The following TCEANC2 variants were observed in gnomAD, a reference collection of about 807,000 sequenced individuals.
The protein encoded by TCEANC2 is transcription elongation factor A N-terminal and central domain-containing protein 2.
In TCEANC2, 20 loss-of-function variants were observed where a neutral mutation model predicts 22.8. The ratio of observed to expected loss-of-function variants is 0.88; its 90% confidence interval spans 0.62 to 1.28. TCEANC2 has a LOEUF of 1.28. Ranked by LOEUF, TCEANC2 falls within the 50% of genes most tolerant of loss-of-function variation. TCEANC2 has a pLI of 0.00. For missense variants in TCEANC2, 251 were observed against 249.7 expected, an observed-to-expected ratio of 1.01 and a Z score of -0.03; for synonymous variants, 84 against 95.5, an observed-to-expected ratio of 0.88 and a Z score of 0.70.
At chr1:54,076,956 C>A (rs1000258068) in intron 3 of TCEANC2, among the ~76,000 whole-genome samples, 3 of 151,772 alleles carry the variant, frequency 2.0e-5, no homozygotes, top group African/African-American at 7.3e-5. Flanking sequence ...ATGGTCTGGG[C>A]TGGAGTAGGC....
chr1:54,055,665 G>A (rs1657738945), intron 2 of TCEANC2, among the ~76,000 whole-genome samples: 2 of 152,210 alleles, frequency 1.3e-5, no homozygotes, highest in South Asian at 4.1e-4. Context: ...GAGAAAATGT[G>A]CAAAGGATTG....
rs559743787 is a variant in TCEANC2 at position 54,104,472 on chromosome 1, A to C, written c.*7999A>C. On this transcript the variant is annotated 3_prime_UTR_variant, in exon 5 of 5. Coordinates refer to ENST00000234827, the MANE Select transcript of TCEANC2 (RefSeq NM_153035.3). ...AGGTACAGCTGCTGTTAAGCAATGG[A>C]GGGAAGGGAGGTATATCTTTGGTAC... The C allele has an allele frequency of 8.4e-5, 32 of 379,246 alleles. No homozygotes were observed. The highest frequency in any genetic ancestry group is 1.5e-4 in the East Asian group (2 of 13,470). The allele number at this position is 379,246 out of a possible 1,614,324, so 23.5% of individuals were successfully genotyped here. A position where few individuals can be genotyped will look rare whatever the true frequency, so the allele number is the denominator to read the frequency against.
chr1:54,096,256 T>C lies in TCEANC2; in HGVS notation c.439-29T>C. 6.3e-7 allele frequency: 1 copy of C among 1,577,070 alleles called. No individual in the cohort carries two copies. Among genetic ancestry groups the C allele is most frequent in the Non-Finnish European group, 8.7e-7 (1 of 1,152,002 alleles). On this transcript the variant is annotated intron_variant, in intron 4 of 4. Coordinates refer to ENST00000234827, the MANE Select transcript of TCEANC2 (RefSeq NM_153035.3). This position sits in a 1 kb window ranked among gnomAD's most constrained non-coding sequence, Gnocchi z 4.9. ...TTTTAATCCTTACGCAATGTAAGGC[T>C]CTAATTTGATAATTTTGCTGTTTTT... is the stretch of plus-strand genomic sequence containing the variant.
chr1:54,054,863 T>C (rs912273268), intron 2 of TCEANC2, among the ~76,000 whole-genome samples: 1 of 152,234 alleles, frequency 6.6e-6, no homozygotes, highest in African/African-American at 2.4e-5. Context: ...ACAAACTTAT[T>C]AAGGGGTGGG....
At position 54,104,313 on chromosome 1, in the gene TCEANC2, A is replaced by G. The variant is rs569100289; in HGVS notation, c.*7840A>G. The G allele has an allele frequency of 3.8e-5, 7 of 184,584 alleles. No homozygotes were observed. In the South Asian group the frequency reaches 6.7e-4, roughly 18 times the overall value. 11.4% of individuals were successfully genotyped at this position (184,584 alleles called of 1,614,324 possible). A position where few individuals can be genotyped will look rare whatever the true frequency, so the allele number is the denominator to read the frequency against. On this transcript the variant is annotated 3_prime_UTR_variant, in exon 5 of 5. Transcript: ENST00000234827. ...GTCACAAAGGAGGAACACTTCCACT[A>G]AAAGAAACATCAAGATTACTATGAA...
At position 54,096,822 on chromosome 1, in the gene TCEANC2, T is replaced by TAC; in HGVS notation, c.*350_*351dup. 1 of 1,015,908 alleles carries TAC rather than the reference T, an allele frequency of 9.8e-7. No individual in the cohort carries two copies. Among genetic ancestry groups the TAC allele is most frequent in the Non-Finnish European group, 1.2e-6 (1 of 849,178 alleles). 62.9% of individuals were successfully genotyped at this position (1,015,908 alleles called of 1,614,324 possible). Reference sequence around the variant, plus strand: ...CCCCATGTCAGTCAGATGAAGTTACTACTATATTTCACCACCCTGCAGGTA... The same window carrying TAC: ...CCCCATGTCAGTCAGATGAAGTTACTACACTATATTTCACCACCCTGCAGGTA... On this transcript the variant is annotated 3_prime_UTR_variant, in exon 5 of 5. Coordinates refer to ENST00000234827, the MANE Select transcript of TCEANC2 (RefSeq NM_153035.3). The surrounding 1 kb of genome is among the most constrained non-coding windows in gnomAD (Gnocchi z 4.9).
chr1:54,105,076 T>A lies in TCEANC2; in HGVS notation c.*8603T>A, dbSNP rs1407432462. On this transcript the variant is annotated 3_prime_UTR_variant, in exon 5 of 5. Coordinates refer to ENST00000234827, the MANE Select transcript of TCEANC2 (RefSeq NM_153035.3). ...CAAGACCAGTCAGTGATGGAGGTTG[T>A]AGTTTGTCCAACTTACTTTCCTAAG... 6.5e-6 allele frequency: 1 copy of A among 154,170 alleles called. No individual in the cohort carries two copies. The highest frequency in any genetic ancestry group is 2.4e-5 in the African/African-American group (1 of 41,452). 9.6% of individuals were successfully genotyped at this position (154,170 alleles called of 1,614,324 possible).
At chr1:54,082,224 C>A (rs1450689786) in intron 3 of TCEANC2, among the ~76,000 whole-genome samples, 1 of 152,072 alleles carries the variant, frequency 6.6e-6, no homozygotes, top group Admixed American at 6.5e-5. Context: ...TCATACAAAG[C>A]CTGGAGTGAT....
At chr1:54,079,886 A>G (rs1022002309) in intron 3 of TCEANC2, among the ~76,000 whole-genome samples, 1 of 152,014 alleles carries the variant, frequency 6.6e-6, no homozygotes, top group African/African-American at 2.4e-5. Flanking sequence ...TGTTCACTCT[A>G]CTTCTTGTGT....
downstream of TCEANC2, chr1:54,106,107 A>G (rs919128622): frequency 6.6e-6 from 1 of 152,206 alleles, no homozygotes; most frequent in Non-Finnish European, 1.5e-5. Context: ...CATTTGGTTC[A>G]TGGGCCTTAG....
chr1:54,109,404 C>T (rs1387904439), downstream of TCEANC2, among the ~76,000 whole-genome samples: 1 of 152,022 alleles, frequency 6.6e-6, no homozygotes, highest in Non-Finnish European at 1.5e-5. Flanking sequence ...GAGGTAGAGG[C>T]CAGTATGTGG....
intron 3 of TCEANC2, among the ~76,000 whole-genome samples, chr1:54,086,202 G>T (rs7516791): frequency 0.52 from 79,688 of 152,004 alleles, 24,039 homozygotes; most frequent in African/African-American, 0.82. Context: ...CTCCTGCCAC[G>T]ATGCTCACTG....
chr1:54,095,214 G>A (rs1658522189), intron 4 of TCEANC2, among the ~76,000 whole-genome samples: 1 of 152,192 alleles, frequency 6.6e-6, no homozygotes, highest in Admixed American at 6.5e-5. Context: ...GGGCATGGTG[G>A]CAGCCTGAAG....
At chr1:54,059,152 CTTTTTTT>C (rs201301611) in intron 2 of TCEANC2, among the ~76,000 whole-genome samples, 2 of 130,766 alleles carry the variant, frequency 1.5e-5, no homozygotes, top group Non-Finnish European at 3.4e-5. Flanking sequence ...CTTGAGTTTT[CTTTTTTT>C]TTTTTTTTTT....
chr1:54,059,561 T>C (rs983581350), intron 2 of TCEANC2, among the ~76,000 whole-genome samples: 2 of 152,250 alleles, frequency 1.3e-5, no homozygotes, highest in Non-Finnish European at 2.9e-5. Flanking sequence ...TGAAATGCTT[T>C]CTGGGTTCTC....
At position 54,100,609 on chromosome 1, in the gene TCEANC2, G is replaced by C. The variant is rs1658647153; in HGVS notation, c.*4136G>C. On this transcript the variant is annotated 3_prime_UTR_variant, in exon 5 of 5. Coordinates refer to ENST00000234827, the MANE Select transcript of TCEANC2 (RefSeq NM_153035.3). ...GGATAGGTAGGAGTTCTTAGCAGAG[G>C]GCTCAGTCTATGTGAAAGCACAGAA... 6.6e-6 allele frequency: 1 copy of C among 152,232 alleles called. No individual in the cohort carries two copies. The allele number at this position is 152,232 out of a possible 1,614,324, so 9.4% of individuals were successfully genotyped here.
chr1:54,091,819 C>T (rs1658452206), intron 4 of TCEANC2, among the ~76,000 whole-genome samples: 1 of 152,128 alleles, frequency 6.6e-6, no homozygotes, highest in Admixed American at 6.5e-5. Context: ...CTTCCCCTTC[C>T]TCATTATCCA....
At chr1:54,060,336 C>T (rs886664813) in intron 2 of TCEANC2, among the ~76,000 whole-genome samples, 1 of 151,318 alleles carries the variant, frequency 6.6e-6, no homozygotes, top group African/African-American at 2.4e-5. Flanking sequence ...ACCTGGGAGG[C>T]GGAGGTTGCA....
intron 4 of TCEANC2, among the ~76,000 whole-genome samples, chr1:54,093,506 A>G (rs200671098): frequency 6.6e-6 from 1 of 152,200 alleles, no homozygotes; most frequent in East Asian, 1.9e-4. Flanking sequence ...AGAGGCATGC[A>G]TGAGAATTGT....
Sources: gnomAD v4.1 joint callset for allele counts (sites outside exome capture counted in the v4.1 genomes callset) on GRCh38, gnomAD v4.1.1 for gene constraint, Gnocchi (gnomAD v3.1) non-coding constraint, MANE v1.5 for transcripts, NCBI Gene and HGNC (gene_info 2026-07-23, HGNC 2026-07-21) for gene names.